SLC4A4: variants seen among roughly 807,000 people sequenced by gnomAD.
The protein encoded by SLC4A4 is solute carrier family 4 member 4.
A neutral mutation model predicts 111.5 loss-of-function variants in SLC4A4; 27 were observed. The observed-to-expected ratio is 0.24, with a 90% CI of 0.18 to 0.33. SLC4A4 has a LOEUF of 0.33. SLC4A4 is among the 10% of genes least tolerant of loss of function. The probability of loss-of-function intolerance (pLI) is 1.00; values close to 1 mark genes in which losing one functional copy is unlikely to be tolerated. For missense variants in SLC4A4, 909 were observed against 1,315.5 expected, an observed-to-expected ratio of 0.69 and a Z score of 4.78; for synonymous variants, 443 against 463.4, an observed-to-expected ratio of 0.96 and a Z score of 0.57.
At chr4:71,169,918 T>C (rs2148981822) in intron 2 of SLC4A4, among the ~76,000 whole-genome samples, 1 of 152,358 alleles carries the variant, frequency 6.6e-6, no homozygotes, top group South Asian at 2.1e-4. Context: ...AAGATTTGTC[T>C]CTTGCCTCCT....
intron 3 of SLC4A4, among the ~76,000 whole-genome samples, chr4:71,286,375 A>T (rs116078163): frequency 6.6e-6 from 1 of 152,336 alleles, no homozygotes; most frequent in African/African-American, 2.4e-5. Flanking sequence ...AACGCTTAAA[A>T]GCACTGGATG....
chr4:71,174,555 C>T (rs903151996), intron 2 of SLC4A4, among the ~76,000 whole-genome samples: 40 of 151,982 alleles, frequency 2.6e-4, no homozygotes, highest in African/African-American at 9.2e-4. Flanking sequence ...GCCCACACAC[C>T]ATTTTTTAAT....
intron 3 of SLC4A4, among the ~76,000 whole-genome samples, chr4:71,290,355 C>T (rs1206458735): frequency 6.6e-6 from 1 of 152,082 alleles, no homozygotes; most frequent in Admixed American, 6.6e-5. Context: ...AAAGTATAGT[C>T]AGCAAATGAG....
chr4:71,428,603 G>A (rs1333921306), intron 7 of SLC4A4, among the ~76,000 whole-genome samples: 3 of 151,912 alleles, frequency 2.0e-5, no homozygotes, highest in Non-Finnish European at 2.9e-5. Flanking sequence ...GAAAATACCC[G>A]AAGACAATGG....
At chr4:71,522,288 CTG>C (rs1733013611) in intron 16 of SLC4A4, among the ~76,000 whole-genome samples, 1 of 152,192 alleles carries the variant, frequency 6.6e-6, no homozygotes, top group Admixed American at 6.5e-5. Flanking sequence ...ACAGCATAAT[CTG>C]TGATTTTCTG....
chr4:71,427,993 C>T (rs1723299427), intron 7 of SLC4A4, among the ~76,000 whole-genome samples: 1 of 152,124 alleles, frequency 6.6e-6, no homozygotes, highest in Admixed American at 6.6e-5. Context: ...TGCTTCCTGT[C>T]TTCATGACAC....
chr4:71,188,897 A>G (rs1429947225), intron 1 of SLC4A4, among the ~76,000 whole-genome samples: 1 of 152,206 alleles, frequency 6.6e-6, no homozygotes, highest in Non-Finnish European at 1.5e-5. Flanking sequence ...GCTGAGAAAA[A>G]ACTTTTACTT....
chr4:71,338,779 G>A (rs1408170289), intron 3 of SLC4A4, among the ~76,000 whole-genome samples: 1 of 151,204 alleles, frequency 6.6e-6, no homozygotes, highest in African/African-American at 2.4e-5. Context: ...ATTGAAGTGT[G>A]ACTAAACATT....
intron 1 of SLC4A4, among the ~76,000 whole-genome samples, chr4:71,064,707 G>T (rs1376489192): frequency 2.0e-5 from 3 of 152,192 alleles, no homozygotes; most frequent in African/African-American, 7.2e-5. Flanking sequence ...GACTGGTCAC[G>T]TATTAGGGCA....
Position 71,277,311 on chromosome 4 carries a change from T to A in SLC4A4, c.253+21912T>A, listed in dbSNP as rs142207832. ...CTACTCTCACCAGCATTTAGAATTA[T>A]CATTATTTTTTTATTTTAGCTGTTC... On this transcript the variant is annotated intron_variant, in intron 3 of 25. Transcript: ENST00000264485. 1.2e-4 allele frequency among the ~76,000 whole-genome samples: 18 copies of A among 152,294 alleles called. No homozygotes were observed. In the East Asian group the frequency reaches 3.3e-3, roughly 28 times the overall value.
chr4:71,430,533 C>G (rs1723542571), intron 7 of SLC4A4, among the ~76,000 whole-genome samples: 1 of 152,044 alleles, frequency 6.6e-6, no homozygotes, highest in East Asian at 1.9e-4. Flanking sequence ...ACTTTTGTAT[C>G]TGGGCTCTGC....
rs577870554 is a variant in SLC4A4 at position 71,166,163 on chromosome 4, C to T, written c.-1-70413C>T. The stretch of plus-strand genomic sequence containing the variant: ...CAGGAGGCAGTGGCTAAAAAAACTG[C>T]TATCTTGGGAAATATTGTTTATTGT... On this transcript the variant is annotated intron_variant, in intron 2 of 26. Transcript: ENST00000649996. Among the ~76,000 whole-genome samples, 7 of 152,278 alleles carry T rather than the reference C, an allele frequency of 4.6e-5. No homozygotes were observed. The South Asian group carries it at 1.5e-3, about 32-fold the overall frequency.
intron 16 of SLC4A4, among the ~76,000 whole-genome samples, chr4:71,500,917 C>T (rs1730864217): frequency 6.6e-6 from 1 of 152,042 alleles, no homozygotes; most frequent in South Asian, 2.1e-4. Flanking sequence ...TCTTTTTGCT[C>T]AAGATTGGTT....
chr4:71,466,961 GAGA>G (rs1727406469), intron 13 of SLC4A4, among the ~76,000 whole-genome samples: 1 of 115,176 alleles, frequency 8.7e-6, no homozygotes, highest in Non-Finnish European at 1.7e-5. Flanking sequence ...GAGAGAGAGA[GAGA>G]GGGAGAGAGA....
intron 3 of SLC4A4, among the ~76,000 whole-genome samples, chr4:71,265,690 A>G (rs1011214509): frequency 6.6e-6 from 1 of 152,142 alleles, no homozygotes; most frequent in Non-Finnish European, 1.5e-5. Context: ...TTAGTTTCCT[A>G]GGGATAGTTT....
chr4:71,227,707 C>A (rs1311961062), intron 1 of SLC4A4, among the ~76,000 whole-genome samples: 3 of 152,066 alleles, frequency 2.0e-5, no homozygotes, highest in African/African-American at 2.4e-5. Context: ...ATAAACATGC[C>A]CGTCGCCATC....
At chr4:71,240,248 A>C (rs528294706) in intron 2 of SLC4A4, among the ~76,000 whole-genome samples, 49 of 152,204 alleles carry the variant, frequency 3.2e-4, no homozygotes, top group Non-Finnish European at 5.7e-4. Context: ...ATTACTTAAT[A>C]GTCTCATATT....
At chr4:71,389,903 C>T (rs1435346135) in intron 6 of SLC4A4, among the ~76,000 whole-genome samples, 1 of 151,956 alleles carries the variant, frequency 6.6e-6, no homozygotes, top group Non-Finnish European at 1.5e-5. Context: ...ATATTTTAAA[C>T]AAAACAAAAC....
At chr4:71,433,253 A>G (rs772715075) in intron 7 of SLC4A4, among the ~76,000 whole-genome samples, 5 of 150,488 alleles carry the variant, frequency 3.3e-5, no homozygotes, top group African/African-American at 4.9e-5. Context: ...AAATCTCCCA[A>G]TCACCCCCAT....
Sources: gnomAD v4.1 joint callset for allele counts (sites outside exome capture counted in the v4.1 genomes callset) on GRCh38, gnomAD v4.1.1 for gene constraint, MANE v1.5 for transcripts, NCBI Gene and HGNC (gene_info 2026-07-23, HGNC 2026-07-21) for gene names.